Variants in ACSM5 observed in about 807,000 individuals in gnomAD.
ACSM5 encodes acyl-CoA synthetase medium chain family member 5, also known as acyl-coenzyme A synthetase ACSM5, mitochondrial.
Under a neutral mutation model 71.6 loss-of-function variants are expected in ACSM5, and 56 were observed. That is an observed-to-expected ratio of 0.78 (90% CI 0.63 to 0.98). The LOEUF is 0.98. Among genes scored for constraint, ACSM5 ranks in the 50% least tolerant of loss-of-function variants. The pLI is 0.00. For missense variants in ACSM5, 723 were observed against 726.0 expected (o/e 1.00, Z 0.05); for synonymous variants, 285 against 281.5 (o/e 1.01, Z -0.12).
At chr16:20,423,849 G>T in intron 5 of ACSM5, 67 bp from the exon 6 acceptor site, 2 of 1,587,878 alleles carry the variant, frequency 1.3e-6, no homozygotes, top group African/African-American at 1.3e-5. Flanking sequence ...TGGTGATATA[G>T]ATAATACAAT....
Position 20,439,699 on chromosome 16 carries a change from T to C in ACSM5, c.1537-101T>C, listed in dbSNP as rs554462361. ...CCAAAAAAAACTAGTAGAACTTTCA[T>C]GGTGCAAAGGTAAATGTAGGCACTT... is the stretch of plus-strand genomic sequence containing the variant. On this transcript the variant is annotated intron_variant, in intron 12 of 13. Coordinates refer to ENST00000331849, the MANE Select transcript of ACSM5 (RefSeq NM_017888.3). 802 of 1,320,266 alleles carry C rather than the reference T, an allele frequency of 6.1e-4. 6 individuals carry two copies. The highest frequency in any genetic ancestry group is 7.9e-4 in the Non-Finnish European group (757 of 961,142). 81.8% of individuals were successfully genotyped at this position (1,320,266 alleles called of 1,614,324 possible).
At chr16:20,429,899 C>G in intron 8 of ACSM5, 98 bp downstream of exon 8, 1 of 1,452,670 alleles carries the variant, frequency 6.9e-7, no homozygotes, top group Non-Finnish European at 9.3e-7. Context: ...AGGGACCACC[C>G]TTCCCCCAGG....
chr16:20,411,735 C>A (rs765860427), intron 2 of ACSM5, 47 bp downstream of exon 2: 83 of 1,577,838 alleles, frequency 5.3e-5, no homozygotes, highest in Non-Finnish European at 6.3e-5. Flanking sequence ...TCTGAGGCTG[C>A]CCTCATGTAC....
chr16:20,438,828 G>A (rs1245592239), intron 12 of ACSM5, among the ~76,000 whole-genome samples: 6 of 151,046 alleles, frequency 4.0e-5, no homozygotes, highest in Admixed American at 1.3e-4. Flanking sequence ...GGCGGTGGGC[G>A]CCTATAATCC....
intron 1 of ACSM5, among the ~76,000 whole-genome samples, chr16:20,410,460 G>A (rs557007851): frequency 1.3e-5 from 2 of 152,334 alleles, no homozygotes; most frequent in Admixed American, 1.3e-4. Context: ...GCTGGGCACA[G>A]TGGCTCACAT....
At position 20,431,237 on chromosome 16, in the gene ACSM5, C is replaced by T. The variant is rs1425910439; in HGVS notation, c.1224C>T (p.Gly408=). ...PYDVQIVDDE[G]NVLPPGEEGN... is the part of the protein sequence containing the mutation. ...CTTACCAGATTGTGGATGATGAGGG[C>T]AACGTCCTGCCTCCTGGAGAAGAGG... Residue 408 remains glycine, a synonymous_variant, in exon 10 of 14, where the codon GGC becomes GGT. Transcript: ENST00000331849. The T allele has an allele frequency of 6.2e-7, 1 of 1,613,992 alleles. No homozygotes were observed. Among genetic ancestry groups the T allele is most frequent in the African/African-American group, 1.3e-5 (1 of 74,920 alleles).
chr16:20,429,193 G>A lies in ACSM5; in HGVS notation c.1002-485G>A, dbSNP rs188581077. On this transcript the variant is annotated intron_variant, in intron 7 of 13. Coordinates refer to ENST00000331849, the MANE Select transcript of ACSM5 (RefSeq NM_017888.3). ...ACCCAGCTAATTTTTAGTATTTTTCGGTAGAGACGGGGTTTTACCACGTTG... is the reference window on the plus strand; with the variant it reads ...ACCCAGCTAATTTTTAGTATTTTTCAGTAGAGACGGGGTTTTACCACGTTG... Among the ~76,000 whole-genome samples the A allele has an allele frequency of 1.0e-3, 153 of 151,892 alleles. 1 individual carries two copies. Among genetic ancestry groups the A allele is most frequent in the South Asian group, 4.4e-3 (21 of 4,790 alleles).
chr16:20,415,201 G>T (rs974507137), intron 2 of ACSM5, among the ~76,000 whole-genome samples: 3 of 152,192 alleles, frequency 2.0e-5, no homozygotes, highest in African/African-American at 7.2e-5. Context: ...GAACCTGGTG[G>T]TTTGAACAAT....
Position 20,418,053 on chromosome 16 carries a change from A to C in ACSM5, c.205-6A>C. On this transcript the variant is annotated splice_region_variant and splice_polypyrimidine_tract_variant and intron_variant, in intron 2 of 13. Transcript: ENST00000331849. ...TCTTTTTTTTTCTGCCTGTACCACCATCTAGGCTGGACACCGCCCCCCAAA... is the reference window on the plus strand; with the variant it reads ...TCTTTTTTTTTCTGCCTGTACCACCCTCTAGGCTGGACACCGCCCCCCAAA... 6.2e-7 allele frequency: 1 copy of C among 1,613,352 alleles called. No homozygotes were observed.
chr16:20,427,839 C>A lies in ACSM5; in HGVS notation c.973C>A (p.Arg325=), dbSNP rs749527279. The A allele has an allele frequency of 1.2e-6, 2 of 1,613,882 alleles. No homozygotes were observed. The highest frequency in any genetic ancestry group is 2.7e-5 in the African/African-American group (2 of 74,910). ...CCTCTGCTGTGTCCCAACCATCTTT[C>A]GGCTGCTTGTGCAGGAGGATCTGAC... ...TTLCCVPTIF[R]LLVQEDLTRY... The change falls in exon 7 of 14, where the codon CGG becomes AGG. Residue 325 remains arginine, a synonymous_variant. Coordinates refer to ENST00000331849, the MANE Select transcript of ACSM5 (RefSeq NM_017888.3).
chr16:20,417,863 G>A (rs1670243925), intron 2 of ACSM5, among the ~76,000 whole-genome samples, 196 bp from the exon 3 acceptor site: 1 of 152,214 alleles, frequency 6.6e-6, no homozygotes. Flanking sequence ...TTACTTATGA[G>A]GCAGAGGAAG....
chr16:20,438,509 G>A (rs8063231), intron 12 of ACSM5, among the ~76,000 whole-genome samples: 41,447 of 149,408 alleles, frequency 0.28, 6,550 homozygotes, highest in East Asian at 0.55. Flanking sequence ...TAATAAGGGA[G>A]GTGTGGAGTC....
rs1241109821 is a variant in ACSM5, at chr16:20,438,890, G to A, written c.1537-910G>A. Among the ~76,000 whole-genome samples the A allele has an allele frequency of 2.0e-5, 3 of 148,976 alleles. No homozygotes were observed. In the East Asian group the frequency reaches 6.0e-4, roughly 30 times the overall value. ...GAATGGCGTGAACCCAGGAGGCAGA[G>A]CTTGCAGTGAGCCGAGATCACCTCA... On this transcript the variant is annotated intron_variant, in intron 12 of 13. Coordinates refer to ENST00000331849, the MANE Select transcript of ACSM5 (RefSeq NM_017888.3).
At chr16:20,410,283 A>C (rs1027162006) in intron 1 of ACSM5, among the ~76,000 whole-genome samples, 1 of 152,152 alleles carries the variant, frequency 6.6e-6, no homozygotes, top group East Asian at 1.9e-4. Flanking sequence ...AGGAAACTGA[A>C]ACTGAGGTCA....
intron 6 of ACSM5, among the ~76,000 whole-genome samples, 171 bp downstream of exon 6, chr16:20,424,240 C>T (rs1166373809): frequency 1.3e-5 from 2 of 152,158 alleles, no homozygotes; most frequent in African/African-American, 4.8e-5. Context: ...TCCCTTCAAT[C>T]ATTGCCTATG....
In ACSM5 at chr16:20,438,980, T is replaced by TGC. The variant is rs1567349521; in HGVS notation, c.1537-819_1537-818insCG. 4.0e-3 allele frequency among the ~76,000 whole-genome samples: 514 copies of TGC among 127,962 alleles called. 5 individuals are homozygous for TGC. The highest frequency in any genetic ancestry group is 0.015 in the African/African-American group (493 of 33,180). The allele number at this position is 127,962 out of a possible 152,430, so 83.9% of individuals were successfully genotyped here. A position where few individuals can be genotyped will look rare whatever the true frequency, so the allele number is the denominator to read the frequency against. ...AAAAAAAAAAAAAAAAAAAAAAAAG[T>TGC]GTCCAACAAATGTTTCGTAGTTACA... On this transcript the variant is annotated intron_variant, in intron 12 of 13. Coordinates refer to ENST00000331849, the MANE Select transcript of ACSM5 (RefSeq NM_017888.3).
At chr16:20,434,080 T>A (rs918279392) in intron 10 of ACSM5, among the ~76,000 whole-genome samples, 1 of 152,196 alleles carries the variant, frequency 6.6e-6, no homozygotes, top group African/African-American at 2.4e-5. Flanking sequence ...TTTCTTTCAC[T>A]TTCTTTAAGC....
At chr16:20,409,919 TGA>T (rs1966844370) in intron 1 of ACSM5, among the ~76,000 whole-genome samples, 2 of 16,316 alleles carry the variant, frequency 1.2e-4, no homozygotes, top group African/African-American at 2.9e-4. Flanking sequence ...GCGGGAGAGG[TGA>T]GGGGCGGGAG....
intron 5 of ACSM5, among the ~76,000 whole-genome samples, chr16:20,423,029 G>A (rs1325277054): frequency 6.6e-6 from 1 of 152,114 alleles, no homozygotes; most frequent in African/African-American, 2.4e-5. Flanking sequence ...ATGTTGAGTG[G>A]GCATTTGGAT....
Sources: allele counts gnomAD v4.1 joint callset (sites outside exome capture counted in the v4.1 genomes callset), GRCh38; gene constraint gnomAD v4.1.1; transcripts MANE v1.5; gene names NCBI Gene and HGNC (gene_info 2026-07-23, HGNC 2026-07-21).